Variants in ETV6 observed in about 807,000 individuals in gnomAD.
The protein encoded by ETV6 is ETS variant transcription factor 6, also known as transcription factor ETV6.
A neutral mutation model predicts 51.1 loss-of-function variants in ETV6; 16 were observed. The ratio of observed to expected loss-of-function variants is 0.31; its 90% confidence interval spans 0.21 to 0.48. The LOEUF (loss-of-function observed/expected upper bound fraction) is 0.48, where lower values mean the gene tolerates loss of function less well. Among genes scored for constraint, ETV6 ranks in the 20% least tolerant of loss-of-function variants. The pLI, the probability that ETV6 is intolerant of heterozygous loss-of-function variation, is 0.99. For synonymous variants in ETV6, 240 were observed against 224.1 expected (o/e 1.07, Z -0.64); for missense variants, 458 against 594.8 (o/e 0.77, Z 2.39).
intron 5 of ETV6, among the ~76,000 whole-genome samples, chr12:11,876,534 T>C (rs1449626569): frequency 1.3e-5 from 2 of 152,246 alleles, no homozygotes; most frequent in Non-Finnish European, 2.9e-5. Context: ...GCCACCAGAT[T>C]TCCTGTCTGC....
intron 4 of ETV6, among the ~76,000 whole-genome samples, chr12:11,854,274 C>T (rs868670403): frequency 3.3e-5 from 5 of 152,190 alleles, no homozygotes; most frequent in South Asian, 2.1e-4. Flanking sequence ...GGCGGTAATA[C>T]GAGCAGTGGG....
At chr12:11,790,839 G>T (rs970674961) in intron 2 of ETV6, among the ~76,000 whole-genome samples, 1 of 151,822 alleles carries the variant, frequency 6.6e-6, no homozygotes, top group South Asian at 2.1e-4. Context: ...CACCACACCC[G>T]GCTAATTTTT....
intron 1 of ETV6, among the ~76,000 whole-genome samples, chr12:11,742,474 A>C (rs1001599059): frequency 6.6e-6 from 1 of 152,152 alleles, no homozygotes; most frequent in African/African-American, 2.4e-5. Context: ...TCTGGAAAAA[A>C]TTTTTTTAAA....
Position 11,892,982 on chromosome 12 carries a change from C to T in ETV6, c.*1936C>T. The T allele has an allele frequency of 4.3e-6, 1 of 232,994 alleles. No homozygotes were observed. The highest frequency in any genetic ancestry group is 2.2e-5 in the African/African-American group (1 of 45,440). The allele number at this position is 232,994 out of a possible 1,614,324, so 14.4% of individuals were successfully genotyped here. On this transcript the variant is annotated 3_prime_UTR_variant, in exon 8 of 8. Transcript: ENST00000396373. ...GCCAGCCCACTCCTACTGTCACAGG[C>T]GCCCCACCATTCAACCTTCCGGGAG... is the stretch of plus-strand genomic sequence containing the variant.
chr12:11,849,835 C>T (rs940405090), intron 3 of ETV6, among the ~76,000 whole-genome samples: 4 of 152,200 alleles, frequency 2.6e-5, no homozygotes, highest in African/African-American at 9.6e-5. Context: ...CTGTCTAGAT[C>T]TAATATTCCA....
At chr12:11,830,730 G>T (rs943672983) in intron 2 of ETV6, among the ~76,000 whole-genome samples, 2 of 152,192 alleles carry the variant, frequency 1.3e-5, no homozygotes, top group Non-Finnish European at 2.9e-5. Flanking sequence ...GCAAATCACT[G>T]CAAAATCCCC....
At chr12:11,874,247 C>T (rs1946928012) in intron 5 of ETV6, among the ~76,000 whole-genome samples, 1 of 151,726 alleles carries the variant, frequency 6.6e-6, no homozygotes, top group African/African-American at 2.4e-5. Context: ...CATGGTGGTG[C>T]ACACCTGTAG....
intron 1 of ETV6, among the ~76,000 whole-genome samples, chr12:11,670,849 ACTTGC>A (rs1864299894): frequency 6.6e-6 from 1 of 152,344 alleles, no homozygotes; most frequent in African/African-American, 2.4e-5. Flanking sequence ...ACACTTTGAA[ACTTGC>A]CTTGCAGGGT....
At chr12:11,685,071 A>G (rs1295628734) in intron 1 of ETV6, among the ~76,000 whole-genome samples, 1 of 152,134 alleles carries the variant, frequency 6.6e-6, no homozygotes, top group Non-Finnish European at 1.5e-5. Flanking sequence ...GGCCCAGGGG[A>G]CAGTGTCCTA....
chr12:11,767,538 G>A (rs1945181117), intron 2 of ETV6, among the ~76,000 whole-genome samples: 1 of 152,196 alleles, frequency 6.6e-6, no homozygotes, highest in Non-Finnish European at 1.5e-5. Context: ...TATTGGACTT[G>A]GGGCCAGGAG....
chr12:11,721,880 TTGAA>T (rs1865395805), intron 1 of ETV6, among the ~76,000 whole-genome samples: 1 of 152,158 alleles, frequency 6.6e-6, no homozygotes, highest in African/African-American at 2.4e-5. Context: ...CATAGAAAGT[TTGAA>T]TGGTGGGAAA....
intron 4 of ETV6, among the ~76,000 whole-genome samples, chr12:11,861,562 C>T (rs1591728088): frequency 6.6e-6 from 1 of 152,180 alleles, no homozygotes; most frequent in African/African-American, 2.4e-5. Context: ...TGCTTTTAGC[C>T]CTAGGGCTAG....
intron 1 of ETV6, among the ~76,000 whole-genome samples, chr12:11,747,979 T>G (rs994211965): frequency 6.6e-6 from 1 of 152,230 alleles, no homozygotes; most frequent in African/African-American, 2.4e-5. Context: ...TCTGTAGAAG[T>G]TGACGACGGT....
At chr12:11,759,122 A>T (rs1224454046) in intron 2 of ETV6, among the ~76,000 whole-genome samples, 2 of 152,040 alleles carry the variant, frequency 1.3e-5, no homozygotes, top group Admixed American at 6.5e-5. Context: ...GCTTCCTGAT[A>T]AGGAAGCAGC....
At chr12:11,717,332 C>T (rs752355474) in intron 1 of ETV6, among the ~76,000 whole-genome samples, 20 of 152,196 alleles carry the variant, frequency 1.3e-4, no homozygotes, top group African/African-American at 2.9e-4. Flanking sequence ...GCGCAGGCGG[C>T]GCTAAGTGAC....
chr12:11,687,532 C>T (rs1864659764), intron 1 of ETV6, among the ~76,000 whole-genome samples: 1 of 151,908 alleles, frequency 6.6e-6, no homozygotes, highest in African/African-American at 2.4e-5. Context: ...CCCTGGGTGC[C>T]AATCACTCAT....
chr12:11,672,544 T>C (rs1391848447), intron 1 of ETV6, among the ~76,000 whole-genome samples: 1 of 152,232 alleles, frequency 6.6e-6, no homozygotes, highest in Non-Finnish European at 1.5e-5. Flanking sequence ...AGATGGCTGA[T>C]ACAGTTGTCC....
intron 1 of ETV6, among the ~76,000 whole-genome samples, chr12:11,704,848 A>G (rs1373018819): frequency 2.6e-5 from 4 of 152,186 alleles, no homozygotes; most frequent in Non-Finnish European, 5.9e-5. Flanking sequence ...CTAATAGAAT[A>G]TAGTTTTATT....
At chr12:11,734,341 T>C (rs1865661355) in intron 1 of ETV6, among the ~76,000 whole-genome samples, 1 of 152,062 alleles carries the variant, frequency 6.6e-6, no homozygotes, top group African/African-American at 2.4e-5. Context: ...GCGCAGTGGT[T>C]CATGCCTGTA....
Sources: allele counts gnomAD v4.1 joint callset (sites outside exome capture counted in the v4.1 genomes callset), GRCh38; gene constraint gnomAD v4.1.1; transcripts MANE v1.5; gene names NCBI Gene and HGNC (gene_info 2026-07-23, HGNC 2026-07-21).